Variants in SPOCK3 observed in about 807,000 individuals in gnomAD.
The protein encoded by SPOCK3 is SPARC (osteonectin), cwcv and kazal like domains proteoglycan 3.
In SPOCK3, 30 loss-of-function variants were observed where a neutral mutation model predicts 56.6. The ratio of observed to expected loss-of-function variants is 0.53; its 90% confidence interval spans 0.40 to 0.72. SPOCK3 has a LOEUF of 0.72. Among genes scored for constraint, SPOCK3 ranks in the 30% least tolerant of loss-of-function variants. The probability of loss-of-function intolerance (pLI) is 0.00; values close to 1 mark genes in which losing one functional copy is unlikely to be tolerated. For synonymous variants in SPOCK3, 196 were observed against 183.3 expected, an observed-to-expected ratio of 1.07 and a Z score of -0.56; for missense variants, 527 against 530.0, an observed-to-expected ratio of 0.99 and a Z score of 0.06.
chr4:167,210,539 T>C (rs1350754269), intron 2 of SPOCK3, among the ~76,000 whole-genome samples: 1 of 152,172 alleles, frequency 6.6e-6, no homozygotes, highest in Non-Finnish European at 1.5e-5. Flanking sequence ...ATGCTTTCAA[T>C]CTCAATGATT....
At chr4:166,946,081 G>A (rs1256706812) in intron 4 of SPOCK3, among the ~76,000 whole-genome samples, 7 of 151,980 alleles carry the variant, frequency 4.6e-5, no homozygotes, top group East Asian at 3.9e-4. Flanking sequence ...GAATAACTAC[G>A]ATAACCATAG....
intron 4 of SPOCK3, among the ~76,000 whole-genome samples, chr4:166,961,425 G>A (rs564652745): frequency 1.3e-5 from 2 of 152,076 alleles, no homozygotes; most frequent in South Asian, 2.1e-4. Flanking sequence ...AATTTAGTGG[G>A]GGGTCATAAA....
intron 3 of SPOCK3, among the ~76,000 whole-genome samples, chr4:167,053,632 C>G (rs1044945487): frequency 5.9e-5 from 9 of 151,974 alleles, no homozygotes; most frequent in Non-Finnish European, 1.5e-5. Context: ...TTGCAATGAG[C>G]CGAGATCAGG....
Position 167,157,680 on chromosome 4 carries a change from T to C in SPOCK3, c.189+76305A>G, listed in dbSNP as rs560182370. Among the ~76,000 whole-genome samples, 15 of 151,790 alleles carry C rather than the reference T, an allele frequency of 9.9e-5. No individual in the cohort carries two copies. In the East Asian group the frequency reaches 2.7e-3, roughly 27 times the overall value. ...TTTTTTTAACTTTTTAATGTAACAG[T>C]AAACATATTACCAATCCAGAGTTCT... On this transcript the variant is annotated intron_variant, in intron 2 of 10. Coordinates refer to ENST00000357545, the MANE Select transcript of SPOCK3 (RefSeq NM_001040159.2).
At chr4:167,184,096 T>C (rs567353314) in intron 2 of SPOCK3, among the ~76,000 whole-genome samples, 2 of 152,332 alleles carry the variant, frequency 1.3e-5, no homozygotes, top group East Asian at 3.9e-4. Context: ...TTGTTCTCTT[T>C]ATGTGCACAT....
chr4:166,859,683 C>T (rs564169666), intron 6 of SPOCK3, among the ~76,000 whole-genome samples: 3 of 152,030 alleles, frequency 2.0e-5, no homozygotes, highest in East Asian at 1.9e-4. Context: ...ATTCACTCAA[C>T]GGGCCTTGGG....
chr4:166,974,051 G>A (rs1023065349), intron 4 of SPOCK3, among the ~76,000 whole-genome samples: 1 of 152,082 alleles, frequency 6.6e-6, no homozygotes, highest in African/African-American at 2.4e-5. Flanking sequence ...GGGTTAAAGA[G>A]TAAACTGAAA....
At chr4:167,045,675 G>A (rs1753648235) in intron 3 of SPOCK3, among the ~76,000 whole-genome samples, 1 of 151,734 alleles carries the variant, frequency 6.6e-6, no homozygotes, top group Admixed American at 6.6e-5. Flanking sequence ...CCACTTTATG[G>A]GTAGTGCAAG....
intron 2 of SPOCK3, among the ~76,000 whole-genome samples, chr4:167,176,378 A>T (rs773769208): frequency 6.6e-6 from 1 of 152,156 alleles, no homozygotes; most frequent in Non-Finnish European, 1.5e-5. Context: ...CCAGCTAAGC[A>T]CGTTACCTTA....
chr4:167,058,213 C>G (rs1358690735), intron 3 of SPOCK3, among the ~76,000 whole-genome samples: 1 of 152,032 alleles, frequency 6.6e-6, no homozygotes, highest in Non-Finnish European at 1.5e-5. Context: ...TCAAATTGTC[C>G]CTGTTTGCAG....
intron 2 of SPOCK3, among the ~76,000 whole-genome samples, chr4:167,157,504 TG>T (rs751137783): frequency 2.6e-5 from 4 of 151,302 alleles, no homozygotes; most frequent in Non-Finnish European, 5.9e-5. Flanking sequence ...AAAAATGAGG[TG>T]GGGGTAGTTG....
intron 2 of SPOCK3, among the ~76,000 whole-genome samples, chr4:167,229,696 T>A (rs1736963217): frequency 6.6e-6 from 1 of 152,144 alleles, no homozygotes; most frequent in Admixed American, 6.5e-5. Flanking sequence ...AAAGTCAACT[T>A]ATAATTTGAG....
chr4:166,865,439 G>A (rs1484592199), intron 6 of SPOCK3, among the ~76,000 whole-genome samples: 1 of 152,082 alleles, frequency 6.6e-6, no homozygotes, highest in African/African-American at 2.4e-5. Flanking sequence ...AGGGCAATGA[G>A]GCAAGAGAAA....
At chr4:166,941,096 A>G (rs972045022) in intron 4 of SPOCK3, among the ~76,000 whole-genome samples, 1 of 152,144 alleles carries the variant, frequency 6.6e-6, no homozygotes, top group African/African-American at 2.4e-5. Flanking sequence ...GTGTCACATT[A>G]GCCATCAGCA....
At chr4:167,162,348 C>T (rs1486337320) in intron 2 of SPOCK3, among the ~76,000 whole-genome samples, 2 of 152,090 alleles carry the variant, frequency 1.3e-5, no homozygotes, top group Non-Finnish European at 2.9e-5. Flanking sequence ...ATATTCTCCT[C>T]CCTACCCTGG....
intron 4 of SPOCK3, among the ~76,000 whole-genome samples, chr4:166,922,602 T>A (rs1411161575): frequency 6.6e-6 from 1 of 152,168 alleles, no homozygotes; most frequent in Non-Finnish European, 1.5e-5. Context: ...GAGACGTATC[T>A]GCGCCTAATA....
At chr4:167,085,385 A>G (rs1298595909) in intron 2 of SPOCK3, among the ~76,000 whole-genome samples, 1 of 152,118 alleles carries the variant, frequency 6.6e-6, no homozygotes, top group African/African-American at 2.4e-5. Flanking sequence ...TGGTTGTTAA[A>G]AAATGAAAGT....
Position 166,754,613 on chromosome 4 carries a change from C to G in SPOCK3, c.826G>C (p.Asp276His). The G allele has an allele frequency of 6.2e-7, 1 of 1,613,670 alleles. No homozygotes were observed. The highest frequency in any genetic ancestry group is 1.3e-5 in the African/African-American group (1 of 75,002). Residue 276 changes from aspartate to histidine, a missense_variant, in exon 8 of 11, where the codon GAT becomes CAT. Physicochemically the swap from Asp to His is moderately conservative, Grantham distance 81. Coordinates refer to ENST00000357545, the MANE Select transcript of SPOCK3 (RefSeq NM_001040159.2). ...DQSELRSIYL[D>H]KNEQCTKAFF... is the part of the protein sequence containing the mutation. ...GCCTTGGTACACTGTTCATTCTTAT[C>G]AAGGTAAATGCTTCTGAGCTCTGAC...
intron 8 of SPOCK3, among the ~76,000 whole-genome samples, chr4:166,753,411 T>C (rs1736672914): frequency 6.6e-6 from 1 of 151,990 alleles, no homozygotes; most frequent in African/African-American, 2.4e-5. Context: ...GTGTGTGTAA[T>C]AAATATTTTA....
Sources: allele counts gnomAD v4.1 joint callset (sites outside exome capture counted in the v4.1 genomes callset), GRCh38; gene constraint gnomAD v4.1.1; transcripts MANE v1.5; gene names NCBI Gene and HGNC (gene_info 2026-07-23, HGNC 2026-07-21).